Variants in TENM2 observed in about 807,000 individuals in gnomAD.
The protein encoded by TENM2 is teneurin transmembrane protein 2, also known as teneurin-2.
TENM2 carries 52 observed loss-of-function variants against 245.2 expected under a neutral mutation model. The observed-to-expected ratio is 0.21, with a 90% CI of 0.17 to 0.27. The LOEUF is 0.27. Among genes scored for constraint, TENM2 ranks in the 10% least tolerant of loss-of-function variants. The pLI, the probability that TENM2 is intolerant of heterozygous loss-of-function variation, is 1.00. For synonymous variants in TENM2, 1,363 were observed against 1,438.9 expected (o/e 0.95, Z 1.19); for missense variants, 3,046 against 3,666.8 (o/e 0.83, Z 4.37).
At chr5:167,151,226 G>A in the TENM2 span, among the ~76,000 whole-genome samples, 1 of 152,108 alleles carries the variant, frequency 6.6e-6, no homozygotes, top group East Asian at 1.9e-4. Context: ...AAAAACAGTG[G>A]AATTGATGGC....
At chr5:168,089,907 T>A (rs1792777441) in intron 7 of TENM2, among the ~76,000 whole-genome samples, 1 of 152,124 alleles carries the variant, frequency 6.6e-6, no homozygotes, top group Non-Finnish European at 1.5e-5. Context: ...ACATAGATAC[T>A]CTTATTTTCA....
intron 2 of TENM2, among the ~76,000 whole-genome samples, chr5:167,423,535 A>G (rs1032168983): frequency 1.3e-5 from 2 of 152,178 alleles, no homozygotes; most frequent in Admixed American, 1.3e-4. Flanking sequence ...GGAAAGAGAC[A>G]TTGAAGGATT....
the TENM2 span, among the ~76,000 whole-genome samples, chr5:167,222,259 A>G: frequency 6.6e-6 from 1 of 152,204 alleles, no homozygotes; most frequent in Admixed American, 6.5e-5. Context: ...TATGCAATGG[A>G]GGATGTTGAC....
intron 2 of TENM2, among the ~76,000 whole-genome samples, chr5:167,554,450 G>T (rs1167870325): frequency 6.6e-6 from 1 of 152,196 alleles, no homozygotes; most frequent in Non-Finnish European, 1.5e-5. Context: ...ATTTAAAGGA[G>T]TCCAATGGCA....
At chr5:167,999,270 C>T (rs186272971) in intron 5 of TENM2, among the ~76,000 whole-genome samples, 1 of 152,310 alleles carries the variant, frequency 6.6e-6, no homozygotes, top group African/African-American at 2.4e-5. Flanking sequence ...AAGCAAATAA[C>T]ATTTCCACCC....
At position 167,999,157 on chromosome 5, in the gene TENM2, A is replaced by G. The variant is rs573133242; in HGVS notation, c.1186+5975A>G. Among the ~76,000 whole-genome samples, 5 of 152,326 alleles carry G rather than the reference A, an allele frequency of 3.3e-5. No individual in the cohort carries two copies. In the East Asian group the frequency reaches 7.7e-4, roughly 24 times the overall value. ...CATTCCAACTCACTGCTCTTTGACTATCTGGAGAGATGGGAAACCTCATCC... is the reference window on the plus strand; with the variant it reads ...CATTCCAACTCACTGCTCTTTGACTGTCTGGAGAGATGGGAAACCTCATCC... On this transcript the variant is annotated intron_variant, in intron 5 of 28. Coordinates refer to ENST00000518659, the Ensembl canonical transcript of TENM2.
chr5:167,557,799 A>G (rs1318447233), intron 2 of TENM2, among the ~76,000 whole-genome samples: 4 of 152,202 alleles, frequency 2.6e-5, no homozygotes, highest in African/African-American at 7.2e-5. Context: ...CACAGTGCTC[A>G]GGACTGTCAC....
intron 12 of TENM2, among the ~76,000 whole-genome samples, chr5:168,146,703 G>T (rs1756114570): frequency 6.6e-6 from 1 of 152,178 alleles, no homozygotes; most frequent in African/African-American, 2.4e-5. Flanking sequence ...TGTCAGTTTT[G>T]TGAGGTGAAT....
chr5:167,986,102 A>G (rs1481856106), intron 4 of TENM2, among the ~76,000 whole-genome samples: 1 of 152,210 alleles, frequency 6.6e-6, no homozygotes, highest in African/African-American at 2.4e-5. Flanking sequence ...AATCAGAGAC[A>G]ATGCATGCCC....
the TENM2 span, among the ~76,000 whole-genome samples, chr5:167,140,932 G>C: frequency 3.3e-5 from 5 of 152,192 alleles, no homozygotes; most frequent in Non-Finnish European, 7.3e-5. Flanking sequence ...GACTCATAGA[G>C]GGTCCTGAGG....
chr5:167,533,675 A>T (rs1026053886), intron 2 of TENM2, among the ~76,000 whole-genome samples: 1 of 152,042 alleles, frequency 6.6e-6, no homozygotes, highest in African/African-American at 2.4e-5. Flanking sequence ...GCCCAGGCTG[A>T]TCTCAAATTC....
At chr5:168,055,766 T>C (rs1581176749) in intron 6 of TENM2, among the ~76,000 whole-genome samples, 2 of 152,248 alleles carry the variant, frequency 1.3e-5, no homozygotes, top group Non-Finnish European at 2.9e-5. Flanking sequence ...ACCTACAATT[T>C]AGGTACAACA....
At chr5:167,727,656 T>A (rs1259263193) in intron 2 of TENM2, among the ~76,000 whole-genome samples, 1 of 152,260 alleles carries the variant, frequency 6.6e-6, no homozygotes, top group East Asian at 1.9e-4. Flanking sequence ...GTGCACACAT[T>A]GTGCTAAGAA....
At chr5:167,022,094 A>G in the TENM2 span, among the ~76,000 whole-genome samples, 2 of 152,178 alleles carry the variant, frequency 1.3e-5, no homozygotes, top group Non-Finnish European at 2.9e-5. Flanking sequence ...GTCTTCATAT[A>G]ACATTTCTTC....
chr5:168,051,383 A>C (rs1789072223), intron 6 of TENM2, among the ~76,000 whole-genome samples: 1 of 152,194 alleles, frequency 6.6e-6, no homozygotes. Context: ...TCAGAATAAA[A>C]TGGTGGAATT....
the TENM2 span, among the ~76,000 whole-genome samples, chr5:167,146,247 T>C: frequency 6.6e-6 from 1 of 152,152 alleles, no homozygotes; most frequent in Non-Finnish European, 1.5e-5. Context: ...CTATCGTGAA[T>C]GGCAAGTCAA....
intron 5 of TENM2, among the ~76,000 whole-genome samples, chr5:168,043,215 G>A (rs573306682): frequency 6.6e-6 from 1 of 152,146 alleles, no homozygotes; most frequent in African/African-American, 2.4e-5. Flanking sequence ...AATAACTCTG[G>A]CTACTCTGAG....
intron 3 of TENM2, chr5:167,934,955 G>T: frequency 1.0e-6 from 1 of 979,624 alleles, no homozygotes; most frequent in Non-Finnish European, 1.2e-6. Context: ...GACTTTCTGA[G>T]ACTGGAAGCA....
At chr5:167,713,460 CAA>C (rs1759043366) in intron 2 of TENM2, among the ~76,000 whole-genome samples, 1 of 152,022 alleles carries the variant, frequency 6.6e-6, no homozygotes, top group Non-Finnish European at 1.5e-5. Flanking sequence ...TCTCATACAT[CAA>C]ACACACAAGT....
Sources: allele counts gnomAD v4.1 joint callset (sites outside exome capture counted in the v4.1 genomes callset), GRCh38; gene constraint gnomAD v4.1.1; transcripts MANE v1.5; gene names NCBI Gene and HGNC (gene_info 2026-07-23, HGNC 2026-07-21).